PPWD1: variants seen among roughly 807,000 people sequenced by gnomAD.
The protein encoded by PPWD1 is peptidylprolyl isomerase domain and WD repeat containing 1, also known as peptidylprolyl isomerase domain and WD repeat-containing protein 1.
In PPWD1, 43 loss-of-function variants were observed where a neutral mutation model predicts 68.8. That is an observed-to-expected ratio of 0.62 (90% CI 0.49 to 0.81). PPWD1 has a LOEUF of 0.81. PPWD1 is among the 30% of genes least tolerant of loss of function. PPWD1 has a pLI of 0.00. For missense variants in PPWD1, 672 were observed against 804.8 expected, an observed-to-expected ratio of 0.83 and a Z score of 2.00; for synonymous variants, 232 against 258.7, an observed-to-expected ratio of 0.90 and a Z score of 0.99.
intron 1 of PPWD1, among the ~76,000 whole-genome samples, chr5:65,565,714 A>T (rs753051348): frequency 4.6e-5 from 7 of 151,292 alleles, no homozygotes; most frequent in African/African-American, 7.3e-5. Flanking sequence ...AGGCTGAGGC[A>T]GGAGAATCAC....
At chr5:65,567,715 G>A (rs2150590553) in intron 2 of PPWD1, 100 bp downstream of exon 2, 2 of 1,375,270 alleles carry the variant, frequency 1.5e-6, no homozygotes, top group East Asian at 2.6e-5. Flanking sequence ...TTAAGATTTT[G>A]TAGATTTTTA....
intron 5 of PPWD1, among the ~76,000 whole-genome samples, chr5:65,573,186 A>G (rs1168004295): frequency 1.1e-5 from 1 of 90,886 alleles, no homozygotes; most frequent in Non-Finnish European, 2.6e-5. Flanking sequence ...CTCCCTCCTC[A>G]TATTCCTCCA....
chr5:65,579,984 C>T (rs1581162379), intron 7 of PPWD1, among the ~76,000 whole-genome samples: 1 of 152,130 alleles, frequency 6.6e-6, no homozygotes, highest in Non-Finnish European at 1.5e-5. Flanking sequence ...CCCAAATTAG[C>T]ACAGCTTCCT....
Position 65,579,428 on chromosome 5 carries a change from G to A in PPWD1, c.1165G>A (p.Val389Met), listed in dbSNP as rs1022510191. 1.3e-6 allele frequency: 2 copies of A among 1,527,756 alleles called. No individual in the cohort carries two copies. Among genetic ancestry groups the A allele is most frequent in the African/African-American group, 2.8e-5 (2 of 70,684 alleles). The allele number at this position is 1,527,756 out of a possible 1,614,324, so 94.6% of individuals were successfully genotyped here. ...AAAACATTGTTATATTTTTAGGTGT[G>A]TGCGGATTTTAGGCAAACAAGAAAA... ...KVINVETNRC[V>M]RILGKQENIR... The change falls in exon 7 of 11, where the codon GTG (valine) becomes ATG (methionine). Residue 389 changes from valine (V) to methionine (M), a missense_variant. Coordinates refer to ENST00000261308, the MANE Select transcript of PPWD1 (RefSeq NM_015342.4).
chr5:65,563,330 G>T lies in PPWD1; in HGVS notation c.20G>T (p.Ser7Ile), dbSNP rs1405573896. Residue 7 changes from serine to isoleucine, a missense_variant, in exon 1 of 11, where the codon AGC (serine) becomes ATC (isoleucine). Around this residue, in one of 2 missense-constraint regions of PPWD1, gnomAD observed 188 missense variants for 158.6 expected, o/e 1.19. Transcript: ENST00000261308. ...AACAACATGGCGGCGGAAAGTGGTA[G>T]CGATTTTCAGCAGAGACGTAGAAGG... MAAESG[S>I]DFQQRRRRRR... 3 of 1,613,608 alleles carry T rather than the reference G, an allele frequency of 1.9e-6. No individual in the cohort carries two copies. Among genetic ancestry groups the T allele is most frequent in the South Asian group, 2.2e-5 (2 of 91,032 alleles).
At chr5:65,574,081 A>G (rs558649027) in intron 5 of PPWD1, among the ~76,000 whole-genome samples, 2 of 152,324 alleles carry the variant, frequency 1.3e-5, no homozygotes, top group East Asian at 1.9e-4. Context: ...ACCAATTTGC[A>G]TTGGATTCCC....
At position 65,569,848 on chromosome 5, in the gene PPWD1, A is replaced by G. The variant is rs745695495; in HGVS notation, c.401-30A>G. 3.2e-6 allele frequency: 5 copies of G among 1,576,580 alleles called. No homozygotes were observed. In the African/African-American group the frequency reaches 4.1e-5, roughly 13 times the overall value. Reference sequence around the variant, plus strand: ...CACACTTATTTTACTGTTATTTACTAGAATGTTTTAATTTCATTTATTGAA... The same window carrying G: ...CACACTTATTTTACTGTTATTTACTGGAATGTTTTAATTTCATTTATTGAA... On this transcript the variant is annotated intron_variant, in intron 3 of 10. Transcript: ENST00000261308.
At chr5:65,569,510 G>T (rs1271659621) in intron 2 of PPWD1, 122 bp from the exon 3 acceptor site, 10 of 1,149,460 alleles carry the variant, frequency 8.7e-6, no homozygotes, top group African/African-American at 4.9e-5. Context: ...TTAAAGAAGG[G>T]TTTTTTTTAA....
In PPWD1 at chr5:65,586,097, A is replaced by G; in HGVS notation, c.1713A>G (p.Arg571=). ...EFEDEFHSTL[R]HDRPYTLSMA... is the part of the protein sequence containing the mutation. The stretch of plus-strand genomic sequence containing the variant: ...AAGATGAATTTCATTCAACATTACG[A>G]CATGACAGGCCATACACACTCAGCA... Residue 571 remains arginine, a synonymous_variant, in exon 10 of 11, where the codon CGA becomes CGG. Coordinates refer to ENST00000261308, the MANE Select transcript of PPWD1 (RefSeq NM_015342.4). The G allele has an allele frequency of 6.2e-7, 1 of 1,613,660 alleles. No homozygotes were observed. The highest frequency in any genetic ancestry group is 8.5e-7 in the Non-Finnish European group (1 of 1,179,630).
At chr5:65,568,048 A>G (rs1752854459) in intron 2 of PPWD1, 1 of 144,712 alleles carries the variant, frequency 6.9e-6, no homozygotes, top group South Asian at 2.3e-4. Flanking sequence ...CAAATATAAA[A>G]TGCTCCAAAA....
At position 65,579,470 on chromosome 5, in the gene PPWD1, T is replaced by A; in HGVS notation, c.1207T>A (p.Leu403Met). ...ACAAGAAAATATTAGAGTGATGCAA[T>A]TGGCTTTGTTCCAGGGGATAGCCAA... is the stretch of plus-strand genomic sequence containing the variant. ...GKQENIRVMQ[L>M]ALFQGIAKKH... is the part of the protein sequence containing the mutation. The change falls in exon 7 of 11, where the codon TTG (leucine) becomes ATG (methionine). Residue 403 changes from leucine to methionine, a missense_variant. Around this residue, in one of 2 missense-constraint regions of PPWD1, gnomAD observed 484 missense variants for 646.2 expected, o/e 0.75. Coordinates refer to ENST00000261308, the MANE Select transcript of PPWD1 (RefSeq NM_015342.4). 1 of 1,596,336 alleles carries A rather than the reference T, an allele frequency of 6.3e-7. No individual in the cohort carries two copies. Among genetic ancestry groups the A allele is most frequent in the Non-Finnish European group, 8.5e-7 (1 of 1,173,828 alleles).
At chr5:65,575,848 G>T (rs1485100607) in intron 5 of PPWD1, among the ~76,000 whole-genome samples, 1 of 152,170 alleles carries the variant, frequency 6.6e-6, no homozygotes, top group Non-Finnish European at 1.5e-5. Flanking sequence ...AATAACTTGA[G>T]ACATTTTCTG....
At chr5:65,583,868 C>T (rs1753706228) in intron 8 of PPWD1, among the ~76,000 whole-genome samples, 2 of 152,144 alleles carry the variant, frequency 1.3e-5, no homozygotes, top group South Asian at 4.1e-4. Context: ...CAAAAGATGT[C>T]TTGAGCTCAG....
chr5:65,563,537 G>A (rs753426093), intron 1 of PPWD1, 31 bp downstream of exon 1: 1 of 1,582,466 alleles, frequency 6.3e-7, no homozygotes, highest in East Asian at 2.3e-5. Flanking sequence ...GGGACGAATT[G>A]GAGTGCTGCG....
intron 1 of PPWD1, 148 bp downstream of exon 1, chr5:65,563,654 G>T (rs1006069123): frequency 7.5e-7 from 1 of 1,336,634 alleles, no homozygotes; most frequent in Non-Finnish European, 1.0e-6. Context: ...CTCCATACTT[G>T]CATGTCTTAA....
chr5:65,563,369 A>G lies in PPWD1; in HGVS notation c.59A>G (p.Glu20Gly), dbSNP rs111647065. The G allele has an allele frequency of 1.9e-5, 31 of 1,614,128 alleles. No homozygotes were observed. Among genetic ancestry groups the G allele is most frequent in the African/African-American group, 1.9e-4 (14 of 75,022 alleles). Reference protein sequence around the residue: ...QQRRRRRRDPEEPEKTELSER... With the variant: ...QQRRRRRRDPGEPEKTELSER... ...AGACGTAGAAGGCGCCGGGACCCGG[A>G]GGAACCGGAAAAAACAGAACTCAGC... Residue 20 changes from glutamate to glycine, a missense_variant, in exon 1 of 11, where the codon GAG (glutamate) becomes GGG (glycine). Physicochemically the swap from Glu to Gly is moderately conservative, Grantham distance 98 (BLOSUM62 -2). Around this residue, in one of 2 missense-constraint regions of PPWD1, gnomAD observed 188 missense variants for 158.6 expected, o/e 1.19. Transcript: ENST00000261308.
chr5:65,568,568 T>C (rs900141093), intron 2 of PPWD1, among the ~76,000 whole-genome samples: 3 of 152,066 alleles, frequency 2.0e-5, no homozygotes, highest in African/African-American at 7.2e-5. Context: ...GTGAGATGAA[T>C]GGATTCAAAC....
At chr5:65,578,796 A>ATG (rs1456583942) in intron 6 of PPWD1, among the ~76,000 whole-genome samples, 2 of 85,594 alleles carry the variant, frequency 2.3e-5, no homozygotes, top group Non-Finnish European at 4.8e-5. Context: ...ATATATATAT[A>ATG]CATATATATG....
rs760862777 is a variant in PPWD1, at chr5:65,586,122, A to G, written c.1738A>G (p.Met580Val). 1 of 1,613,580 alleles carries G rather than the reference A, an allele frequency of 6.2e-7. No individual in the cohort carries two copies. Among genetic ancestry groups the G allele is most frequent in the Admixed American group, 1.7e-5 (1 of 59,952 alleles). The change falls in exon 10 of 11, where the codon ATG (methionine) becomes GTG (valine). Residue 580 changes from methionine (M) to valine (V), a missense_variant. Physicochemically the swap from Met to Val is conservative, Grantham distance 21. Transcript: ENST00000261308. The part of the protein sequence containing the change: ...LRHDRPYTLS[M>V]ANAGSNTNGS... ...ACATGACAGGCCATACACACTCAGC[A>G]TGGCTAACGCGGGATCAAATACTAA...
Sources: allele counts gnomAD v4.1 joint callset (sites outside exome capture counted in the v4.1 genomes callset), GRCh38; gene constraint gnomAD v4.1.1; regional missense constraint gnomAD v4.1.1; transcripts MANE v1.5; gene names NCBI Gene and HGNC (gene_info 2026-07-23, HGNC 2026-07-21).